The following B3GALNT2 variants were observed in gnomAD, a reference collection of about 807,000 sequenced individuals.
B3GALNT2 encodes the protein UDP-GalNAc:beta-1,3-N-acetylgalactosaminyltransferase 2.
B3GALNT2 carries 53 observed loss-of-function variants against 61.1 expected under a neutral mutation model. That is an observed-to-expected ratio of 0.87 (90% CI 0.70 to 1.09). B3GALNT2 has a LOEUF of 1.09. Ranked by LOEUF, B3GALNT2 falls within the 50% of genes least tolerant of loss-of-function variation. The pLI is 0.00. For missense variants in B3GALNT2, 544 were observed against 623.0 expected, an observed-to-expected ratio of 0.87 and a Z score of 1.35; for synonymous variants, 223 against 237.4, an observed-to-expected ratio of 0.94 and a Z score of 0.56.
chr1:235,503,034 GAA>G (rs966006792), intron 1 of B3GALNT2, among the ~76,000 whole-genome samples: 29 of 152,304 alleles, frequency 1.9e-4, no homozygotes, highest in African/African-American at 6.3e-4. Flanking sequence ...GATCTAATAG[GAA>G]AAGAGATTGT....
chr1:235,476,647 C>A (rs1161420035), intron 5 of B3GALNT2, among the ~76,000 whole-genome samples: 1 of 151,986 alleles, frequency 6.6e-6, no homozygotes, highest in Non-Finnish European at 1.5e-5. Flanking sequence ...GTCAGGAGTT[C>A]GAGACCAGCC....
chr1:235,439,911 C>T, the B3GALNT2 span, among the ~76,000 whole-genome samples: 1 of 152,126 alleles, frequency 6.6e-6, no homozygotes, highest in Non-Finnish European at 1.5e-5. Context: ...AAGTGATTCT[C>T]CTCCCTCAGC....
At chr1:235,443,205 C>T (rs1257975044), downstream of B3GALNT2, among the ~76,000 whole-genome samples, 2 of 151,722 alleles carry the variant, frequency 1.3e-5, no homozygotes, top group Admixed American at 1.3e-4. Flanking sequence ...TACACACACA[C>T]ACACAATTTT....
chr1:235,458,127 C>CA (rs1683253672), intron 8 of B3GALNT2, among the ~76,000 whole-genome samples: 1 of 152,064 alleles, frequency 6.6e-6, no homozygotes, highest in Non-Finnish European at 1.5e-5. Context: ...AGGCTGGTCT[C>CA]AGACTCCAGA....
chr1:235,501,388 A>T (rs1685575801), intron 1 of B3GALNT2, among the ~76,000 whole-genome samples: 1 of 152,202 alleles, frequency 6.6e-6, no homozygotes, highest in Admixed American at 6.5e-5. Context: ...TCCCTGCTCA[A>T]CTGTTACCTC....
At chr1:235,469,863 T>C (rs1683900093) in intron 6 of B3GALNT2, among the ~76,000 whole-genome samples, 1 of 151,954 alleles carries the variant, frequency 6.6e-6, no homozygotes, top group African/African-American at 2.4e-5. Flanking sequence ...CACCCCGCCT[T>C]ATTTTCCAAT....
At chr1:235,443,242 C>T (rs1043753765), downstream of B3GALNT2, among the ~76,000 whole-genome samples, 3 of 152,016 alleles carry the variant, frequency 2.0e-5, no homozygotes, top group Admixed American at 6.6e-5. Context: ...CACTCTGTCA[C>T]CCAGGTTGGA....
In B3GALNT2 at chr1:235,458,649, C is replaced by T. The variant is rs753340395; in HGVS notation, c.979G>A (p.Asp327Asn). 3.4e-5 allele frequency: 55 copies of T among 1,612,020 alleles called. No individual in the cohort carries two copies. The highest frequency in any genetic ancestry group is 4.5e-5 in the Non-Finnish European group (53 of 1,179,380). ...TTTGCAGGAACATTACGATAAGTGT[C>T]GACAACATCCACAAAAACAATATCA... is the stretch of plus-strand genomic sequence containing the variant. ...YDDIVFVDVV[D>N]TYRNVPAKLL... The change falls in exon 8 of 12, where the codon GAC (aspartate) becomes AAC (asparagine). Residue 327 changes from aspartate to asparagine, a missense_variant. Transcript: ENST00000366600.
At chr1:235,501,379 C>T (rs372077430) in intron 1 of B3GALNT2, among the ~76,000 whole-genome samples, 1 of 152,180 alleles carries the variant, frequency 6.6e-6, no homozygotes, top group African/African-American at 2.4e-5. Context: ...TCATTCTGGT[C>T]CCTGCTCAAC....
At chr1:235,503,338 T>C (rs1275566930) in intron 1 of B3GALNT2, among the ~76,000 whole-genome samples, 4 of 152,258 alleles carry the variant, frequency 2.6e-5, no homozygotes, top group Non-Finnish European at 4.4e-5. Flanking sequence ...GCTAAAGTAG[T>C]GTTCAGGGTG....
chr1:235,441,909 A>G, the B3GALNT2 span: 26 of 1,603,480 alleles, frequency 1.6e-5, no homozygotes, highest in East Asian at 4.5e-4. Flanking sequence ...CAAATAGTTT[A>G]TTTGTATTTG....
Position 235,448,818 on chromosome 1 carries a change from G to A in B3GALNT2, c.*1388C>T, listed in dbSNP as rs556604625. 1 of 1,249,642 alleles carries A rather than the reference G, an allele frequency of 8.0e-7. No homozygotes were observed. Among genetic ancestry groups the A allele is most frequent in the South Asian group, 1.2e-5 (1 of 82,868 alleles). 77.4% of individuals were successfully genotyped at this position (1,249,642 alleles called of 1,614,324 possible). ...TGCTTATCGTGTCTGGGGTTCACCG[G>A]AAATAAATGATTCACTGGAACAATT... On this transcript the variant is annotated 3_prime_UTR_variant, in exon 12 of 12. Coordinates refer to ENST00000366600, the MANE Select transcript of B3GALNT2 (RefSeq NM_152490.5).
At chr1:235,480,824 T>C (rs1024443955) in intron 4 of B3GALNT2, among the ~76,000 whole-genome samples, 7 of 138,362 alleles carry the variant, frequency 5.1e-5, no homozygotes, top group Admixed American at 2.5e-4. Flanking sequence ...GAGAATCGCT[T>C]GAACCCAGGA....
the B3GALNT2 span, chr1:235,441,534 T>C: frequency 8.5e-6 from 4 of 467,858 alleles, no homozygotes; most frequent in Non-Finnish European, 1.6e-5. Flanking sequence ...TGTAAACATG[T>C]TGCTTTTCAT....
At chr1:235,494,617 T>G (rs1685227612) in intron 2 of B3GALNT2, 64 bp downstream of exon 2, 1 of 1,522,972 alleles carries the variant, frequency 6.6e-7, no homozygotes, top group Non-Finnish European at 9.0e-7. Flanking sequence ...CCACCACGCC[T>G]GGCTAGGTTT....
intron 1 of B3GALNT2, among the ~76,000 whole-genome samples, chr1:235,497,551 A>G (rs1393135774): frequency 6.6e-6 from 1 of 152,242 alleles, no homozygotes; most frequent in African/African-American, 2.4e-5. Flanking sequence ...GCAAACTTTC[A>G]AAATATTTGA....
intron 8 of B3GALNT2, among the ~76,000 whole-genome samples, chr1:235,456,861 C>A (rs1683190411): frequency 6.6e-6 from 1 of 152,168 alleles, no homozygotes; most frequent in Non-Finnish European, 1.5e-5. Flanking sequence ...GCCTCACCTA[C>A]AATTGCAACT....
At chr1:235,499,428 GATTT>G (rs1283453549) in intron 1 of B3GALNT2, among the ~76,000 whole-genome samples, 2 of 152,072 alleles carry the variant, frequency 1.3e-5, no homozygotes, top group Non-Finnish European at 2.9e-5. Flanking sequence ...TTATTCTCTT[GATTT>G]ATTCACTCAA....
At chr1:235,442,464 CCT>C (rs60407968), downstream of B3GALNT2, among the ~76,000 whole-genome samples, 3,261 of 152,276 alleles carry the variant, frequency 0.021, 126 homozygotes, top group African/African-American at 0.074. Context: ...GCTACCGCGC[CCT>C]GTCAAAGAAA....
Sources: allele counts gnomAD v4.1 joint callset (sites outside exome capture counted in the v4.1 genomes callset), GRCh38; gene constraint gnomAD v4.1.1; transcripts MANE v1.5; gene names NCBI Gene and HGNC (gene_info 2026-07-23, HGNC 2026-07-21).